The following SPON1 variants were observed in gnomAD, a reference collection of about 807,000 sequenced individuals.
SPON1 encodes spondin 1.
SPON1 carries 52 observed loss-of-function variants against 111.7 expected under a neutral mutation model. That is an observed-to-expected ratio of 0.47 (90% CI 0.37 to 0.59). The LOEUF (loss-of-function observed/expected upper bound fraction) is 0.59, where lower values mean the gene tolerates loss of function less well. SPON1 is among the 20% of genes least tolerant of loss of function. The probability of loss-of-function intolerance (pLI) is 0.00; values close to 1 mark genes in which losing one functional copy is unlikely to be tolerated. For missense variants in SPON1, 957 were observed against 1,068.5 expected (o/e 0.90, Z 1.46); for synonymous variants, 410 against 395.8 (o/e 1.04, Z -0.43).
At chr11:14,173,610 C>G (rs1591399388) in intron 6 of SPON1, among the ~76,000 whole-genome samples, 1 of 152,086 alleles carries the variant, frequency 6.6e-6, no homozygotes, top group African/African-American at 2.4e-5. Flanking sequence ...TGTTTTTCCC[C>G]CATCTTTGTG....
intron 6 of SPON1, among the ~76,000 whole-genome samples, chr11:14,185,181 A>G (rs1052240641): frequency 1.3e-5 from 2 of 152,230 alleles, no homozygotes; most frequent in African/African-American, 2.4e-5. Flanking sequence ...AGTATTATAC[A>G]TTCTGCTTAT....
intron 1 of SPON1, among the ~76,000 whole-genome samples, chr11:13,980,096 A>T (rs1055515083): frequency 6.6e-6 from 1 of 151,268 alleles, no homozygotes. Flanking sequence ...GCTACAGTGC[A>T]GTGGTGCAAT....
intron 6 of SPON1, among the ~76,000 whole-genome samples, chr11:14,237,575 G>A (rs967488898): frequency 2.0e-5 from 3 of 152,252 alleles, no homozygotes; most frequent in African/African-American, 7.2e-5. Flanking sequence ...AGTGGACAGC[G>A]TGATAGCTAT....
At chr11:14,029,030 GTC>G (rs1848539643) in intron 2 of SPON1, among the ~76,000 whole-genome samples, 1 of 152,060 alleles carries the variant, frequency 6.6e-6, no homozygotes, top group South Asian at 2.1e-4. Flanking sequence ...CCCGAAGTCT[GTC>G]TCTACTTTTC....
chr11:14,204,146 A>T (rs1391918488), intron 6 of SPON1, among the ~76,000 whole-genome samples: 1 of 152,228 alleles, frequency 6.6e-6, no homozygotes, highest in Non-Finnish European at 1.5e-5. Flanking sequence ...CCGATAACCT[A>T]GAGCTGTAGC....
chr11:14,247,947 G>C (rs889436194), intron 7 of SPON1, among the ~76,000 whole-genome samples: 2 of 152,244 alleles, frequency 1.3e-5, no homozygotes, highest in Middle Eastern at 3.2e-3. Context: ...AAGGGCATAA[G>C]AATAGGAATC....
intron 6 of SPON1, among the ~76,000 whole-genome samples, chr11:14,158,842 C>G (rs1483749926): frequency 6.6e-6 from 1 of 152,128 alleles, no homozygotes; most frequent in South Asian, 2.1e-4. Context: ...GGTTCTGTCT[C>G]TCCTACATGC....
At chr11:14,141,052 A>G (rs961514599) in intron 6 of SPON1, among the ~76,000 whole-genome samples, 2 of 125,310 alleles carry the variant, frequency 1.6e-5, no homozygotes, top group East Asian at 5.5e-4. Context: ...TCACTGGCTC[A>G]AGATTTCCCC....
intron 2 of SPON1, among the ~76,000 whole-genome samples, chr11:13,986,039 G>A (rs572717781): frequency 2.0e-5 from 3 of 152,204 alleles, no homozygotes; most frequent in South Asian, 4.1e-4. Flanking sequence ...TATCTTTGGA[G>A]TCCTTGATTT....
chr11:14,136,687 C>T (rs1472423989), intron 6 of SPON1, among the ~76,000 whole-genome samples: 2 of 152,172 alleles, frequency 1.3e-5, no homozygotes, highest in African/African-American at 4.8e-5. Flanking sequence ...AAAAATGCCC[C>T]AGAATGAGCT....
At position 14,266,532 on chromosome 11, in the gene SPON1, T is replaced by C. The variant is rs1276276563; in HGVS notation, c.*845T>C. ...GACAAAGGAAGCAAAATTGGTCTCT[T>C]TAGAGACCAATTTGCCTAAATTTTA... is the stretch of plus-strand genomic sequence containing the variant. On this transcript the variant is annotated 3_prime_UTR_variant, in exon 16 of 16. Coordinates refer to ENST00000576479, the MANE Select transcript of SPON1 (RefSeq NM_006108.4). 1.3e-5 allele frequency: 2 copies of C among 152,086 alleles called. No individual in the cohort carries two copies. The highest frequency in any genetic ancestry group is 4.8e-5 in the African/African-American group (2 of 41,426). The allele number at this position is 152,086 out of a possible 1,614,324, so 9.4% of individuals were successfully genotyped here.
At chr11:14,156,923 C>T (rs1847854967) in intron 6 of SPON1, among the ~76,000 whole-genome samples, 1 of 152,106 alleles carries the variant, frequency 6.6e-6, no homozygotes, top group Admixed American at 6.6e-5. Context: ...GAAGTCTGCC[C>T]CCATGATTCA....
chr11:14,147,221 A>G (rs1380580479), intron 6 of SPON1, among the ~76,000 whole-genome samples: 1 of 150,956 alleles, frequency 6.6e-6, no homozygotes, highest in Non-Finnish European at 1.5e-5. Flanking sequence ...TTTAGTAGAG[A>G]CAGGGTTTCA....
chr11:14,090,816 C>G (rs1849045497), intron 5 of SPON1, among the ~76,000 whole-genome samples: 1 of 103,602 alleles, frequency 9.7e-6, no homozygotes, highest in South Asian at 3.2e-4. Flanking sequence ...CTTTTATTCT[C>G]TTATCTGGCC....
chr11:13,962,847 G>T lies in SPON1; in HGVS notation c.-58G>T. On this transcript the variant is annotated 5_prime_UTR_variant, in exon 1 of 16. Transcript: ENST00000576479. ...GTCGCGCCTTCGTCGGGACCACTTC[G>T]GGCAGGAGTCGCGTGGCGAAGGCCT... The T allele has an allele frequency of 7.2e-7, 1 of 1,388,734 alleles. No homozygotes were observed. Among genetic ancestry groups the T allele is most frequent in the South Asian group, 1.6e-5 (1 of 63,508 alleles). The allele number at this position is 1,388,734 out of a possible 1,614,324, so 86.0% of individuals were successfully genotyped here.
intron 5 of SPON1, among the ~76,000 whole-genome samples, chr11:14,124,616 C>A (rs1194914781): frequency 6.6e-6 from 1 of 152,122 alleles, no homozygotes; most frequent in Non-Finnish European, 1.5e-5. Context: ...GTATGAAGGG[C>A]CAAACAGTAA....
chr11:14,044,069 G>A (rs1211037166), intron 3 of SPON1, among the ~76,000 whole-genome samples: 1 of 152,138 alleles, frequency 6.6e-6, no homozygotes, highest in Non-Finnish European at 1.5e-5. Flanking sequence ...ATTTTACAGA[G>A]GAGGAGACAG....
chr11:14,236,169 G>C (rs1848864824), intron 6 of SPON1, among the ~76,000 whole-genome samples: 1 of 152,144 alleles, frequency 6.6e-6, no homozygotes, highest in African/African-American at 2.4e-5. Flanking sequence ...GGGAGGTAGA[G>C]AGACCTGCTA....
intron 2 of SPON1, among the ~76,000 whole-genome samples, chr11:14,016,728 G>A (rs1286023243): frequency 1.7e-4 from 26 of 152,160 alleles, no homozygotes; most frequent in African/African-American, 6.3e-4. Context: ...GATAATTTTA[G>A]TAGTGTTTTG....
Sources: gnomAD v4.1 joint callset for allele counts (sites outside exome capture counted in the v4.1 genomes callset) on GRCh38, gnomAD v4.1.1 for gene constraint, MANE v1.5 for transcripts, NCBI Gene and HGNC (gene_info 2026-07-23, HGNC 2026-07-21) for gene names.